ERC1: variants seen among roughly 807,000 people sequenced by gnomAD.
ERC1 encodes the protein RAB6 interacting protein 2.
A neutral mutation model predicts 132.0 loss-of-function variants in ERC1; 56 were observed. The ratio of observed to expected loss-of-function variants is 0.42; its 90% CI spans 0.34 to 0.53. The LOEUF is 0.53. Ranked by LOEUF, ERC1 falls within the 20% of genes least tolerant of loss-of-function variation. ERC1 has a pLI of 0.03. For missense variants in ERC1, 1,202 were observed against 1,349.9 expected (o/e 0.89, Z 1.72); for synonymous variants, 478 against 476.1 (o/e 1.00, Z -0.05).
At chr12:1,311,290 C>T (rs1239890258) in intron 15 of ERC1, among the ~76,000 whole-genome samples, 1 of 152,064 alleles carries the variant, frequency 6.6e-6, no homozygotes, top group Non-Finnish European at 1.5e-5. Flanking sequence ...AAAAATTGAC[C>T]ACTGACTTCT....
chr12:1,006,959 A>ATATAGTATATATATGGTG (rs1436324862), intron 1 of ERC1, among the ~76,000 whole-genome samples: 1 of 149,960 alleles, frequency 6.7e-6, no homozygotes, highest in Non-Finnish European at 1.5e-5. Context: ...AGTATATATA[A>ATATAGTATATATATGGTG]TATAGTATAT....
chr12:1,452,163 T>C (rs2154416663), intron 18 of ERC1, among the ~76,000 whole-genome samples: 1 of 152,310 alleles, frequency 6.6e-6, no homozygotes, highest in South Asian at 2.1e-4. Flanking sequence ...TGAGATGTTC[T>C]CTGGGCACAG....
At chr12:1,061,435 TAAA>T (rs35881682) in intron 2 of ERC1, among the ~76,000 whole-genome samples, 190 of 141,034 alleles carry the variant, frequency 1.3e-3, no homozygotes, top group Middle Eastern at 7.3e-3. Flanking sequence ...GTCTCTACTA[TAAA>T]AAAAAAAAAA....
chr12:1,225,330 G>C (rs1283599465), intron 12 of ERC1, among the ~76,000 whole-genome samples: 2 of 151,816 alleles, frequency 1.3e-5, no homozygotes, highest in Non-Finnish European at 2.9e-5. Flanking sequence ...TGTGCCTATA[G>C]TCCCAGCTAC....
rs1027386508 is a variant in ERC1 at position 1,490,429 on chromosome 12, C to T, written c.*199C>T. ...CTTTCTGCTTTGGATGTGGTCTCTA[C>T]ACTAACCTTCTTGATGTCCAGGGTA... On this transcript the variant is annotated 3_prime_UTR_variant, in exon 19 of 19. Coordinates refer to ENST00000360905, the MANE Select transcript of ERC1 (RefSeq NM_178040.4). 21 of 580,404 alleles carry T rather than the reference C, an allele frequency of 3.6e-5. No individual in the cohort carries two copies. The highest frequency in any genetic ancestry group is 6.1e-5 in the Non-Finnish European group (20 of 328,982). The allele number at this position is 580,404 out of a possible 1,614,324, so 36.0% of individuals were successfully genotyped here.
At chr12:1,440,355 C>T (rs1301826962) in intron 17 of ERC1, among the ~76,000 whole-genome samples, 2 of 150,002 alleles carry the variant, frequency 1.3e-5, no homozygotes, top group South Asian at 2.1e-4. Flanking sequence ...CAGACGCCCG[C>T]CACCACGCCC....
At chr12:1,244,663 AGGCGTGTGC>A (rs1248333811) in intron 13 of ERC1, 15 of 405,364 alleles carry the variant, frequency 3.7e-5, no homozygotes, top group Middle Eastern at 8.3e-4. Flanking sequence ...CTGGGATTCC[AGGCGTGTGC>A]CACCATGCCT....
At chr12:1,336,884 G>A (rs1385813369) in intron 15 of ERC1, among the ~76,000 whole-genome samples, 3 of 151,886 alleles carry the variant, frequency 2.0e-5, no homozygotes, top group Middle Eastern at 3.4e-3. Flanking sequence ...TGCAACCTCC[G>A]CCTCACGGGT....
chr12:1,490,113 A>G lies in ERC1; in HGVS notation c.3234A>G (p.Lys1078=), dbSNP rs1027241592. 1.9e-6 allele frequency: 3 copies of G among 1,614,112 alleles called. No individual in the cohort carries two copies. The highest frequency in any genetic ancestry group is 2.2e-5 in the East Asian group (1 of 44,878). ...TTCAGCTTCAGGATGAGTTAGAGAA[A>G]GGTGAACGGGACAATGCAGAACTGC... ...TRGQLQDELE[K]GERDNAELQE... Residue 1078 remains lysine (K), a synonymous_variant, in exon 19 of 19, where the codon AAA becomes AAG. Coordinates refer to ENST00000360905, the MANE Select transcript of ERC1 (RefSeq NM_178040.4).
chr12:1,447,627 GTTTTGTTTTTGTTTTTGT>G (rs796760068), intron 18 of ERC1, among the ~76,000 whole-genome samples: 16 of 148,786 alleles, frequency 1.1e-4, no homozygotes, highest in Admixed American at 2.6e-4. Context: ...GTTTGTCTTT[GTTTTGTTTTTGTTTTTGT>G]TTTTGTTTTT....
chr12:1,072,810 A>G (rs904954627), intron 2 of ERC1, among the ~76,000 whole-genome samples: 1 of 152,078 alleles, frequency 6.6e-6, no homozygotes, highest in African/African-American at 2.4e-5. Context: ...CTCGTGCCTC[A>G]GCTTCCCTAG....
intron 15 of ERC1, among the ~76,000 whole-genome samples, chr12:1,315,238 A>G (rs2081600330): frequency 6.6e-6 from 1 of 152,140 alleles, no homozygotes; most frequent in Admixed American, 6.5e-5. Flanking sequence ...GCTGATCTTG[A>G]ACTCCTGACG....
At chr12:1,439,826 G>A (rs1330622752) in intron 17 of ERC1, among the ~76,000 whole-genome samples, 2 of 152,168 alleles carry the variant, frequency 1.3e-5, no homozygotes, top group African/African-American at 4.8e-5. Context: ...TCCCTCTTGA[G>A]ATTAGGCAGT....
At chr12:1,265,176 A>G (rs2077398627) in intron 14 of ERC1, among the ~76,000 whole-genome samples, 1 of 152,072 alleles carries the variant, frequency 6.6e-6, no homozygotes, top group African/African-American at 2.4e-5. Context: ...GTGGAGAGTA[A>G]TTTCCTTTAA....
At chr12:1,240,706 C>T (rs2075734348) in intron 13 of ERC1, among the ~76,000 whole-genome samples, 1 of 151,900 alleles carries the variant, frequency 6.6e-6, no homozygotes, top group Non-Finnish European at 1.5e-5. Context: ...TGGTCGTATA[C>T]CTTTGCTTTT....
At chr12:1,365,394 G>A (rs770013954) in intron 15 of ERC1, among the ~76,000 whole-genome samples, 22 of 152,126 alleles carry the variant, frequency 1.4e-4, no homozygotes, top group African/African-American at 3.6e-4. Flanking sequence ...ACTGAACAGC[G>A]GGGGAACCAC....
intron 3 of ERC1, among the ~76,000 whole-genome samples, chr12:1,091,929 A>G (rs943463605): frequency 6.6e-6 from 1 of 152,098 alleles, no homozygotes; most frequent in African/African-American, 2.4e-5. Flanking sequence ...TGGCAATGCT[A>G]GGGTATCCAG....
At chr12:1,272,750 C>G (rs2077952672) in intron 14 of ERC1, among the ~76,000 whole-genome samples, 1 of 151,930 alleles carries the variant, frequency 6.6e-6, no homozygotes, top group Non-Finnish European at 1.5e-5. Context: ...GAGTTCAAGA[C>G]CAGCCTGGCC....
chr12:1,278,708 A>G (rs2154335369), intron 14 of ERC1, among the ~76,000 whole-genome samples: 1 of 152,316 alleles, frequency 6.6e-6, no homozygotes, highest in South Asian at 2.1e-4. Flanking sequence ...ACCTTGTACT[A>G]TATTTAAAGT....
Sources: allele counts gnomAD v4.1 joint callset (sites outside exome capture counted in the v4.1 genomes callset), GRCh38; gene constraint gnomAD v4.1.1; transcripts MANE v1.5; gene names NCBI Gene and HGNC (gene_info 2026-07-23, HGNC 2026-07-21).